The following STARD9 variants were observed in gnomAD, a reference collection of about 807,000 sequenced individuals.
STARD9 encodes the protein StAR related lipid transfer domain containing 9, also known as stAR-related lipid transfer protein 9.
STARD9 carries 346 observed loss-of-function variants against 399.8 expected under a neutral mutation model. That is an observed-to-expected ratio of 0.87 (90% CI 0.79 to 0.95). The LOEUF is 0.95. Ranked by LOEUF, STARD9 falls within the 40% of genes least tolerant of loss-of-function variation. STARD9 has a pLI of 0.00. For synonymous variants in STARD9, 2,203 were observed against 2,143.5 expected, an observed-to-expected ratio of 1.03 and a Z score of -0.77; for missense variants, 5,832 against 5,667.5, an observed-to-expected ratio of 1.03 and a Z score of -0.93.
chr15:42,638,610 C>G, intron 6 of STARD9, 90 bp from the exon 7 acceptor site: 1 of 836,666 alleles, frequency 1.2e-6, no homozygotes, highest in Non-Finnish European at 1.8e-6. Context: ...GGAGCTGGAA[C>G]AAGAACTAAG....
chr15:42,651,002 C>A lies in STARD9; in HGVS notation c.560-14C>A. ...CTCATTTAATTTCTTTTTTCCGTTTCACAAATCCGATAGGTTTATCTCAAC... is the reference window on the plus strand; with the variant it reads ...CTCATTTAATTTCTTTTTTCCGTTTAACAAATCCGATAGGTTTATCTCAAC... On this transcript the variant is annotated splice_polypyrimidine_tract_variant and intron_variant, in intron 7 of 32. Coordinates refer to ENST00000290607, the MANE Select transcript of STARD9 (RefSeq NM_020759.3). 1 of 1,496,268 alleles carries A rather than the reference C, an allele frequency of 6.7e-7. No homozygotes were observed. The highest frequency in any genetic ancestry group is 8.9e-7 in the Non-Finnish European group (1 of 1,120,198). 92.7% of individuals were successfully genotyped at this position (1,496,268 alleles called of 1,614,324 possible).
chr15:42,665,301 C>G lies in STARD9; in HGVS notation c.1225C>G (p.Leu409Val), dbSNP rs1265904249. Reference sequence around the variant, plus strand: ...AGAACTCAGAGAAGAGATTGAAAGACTGAAAGCCCTGCTGCTGAGCTTTGA... The same window carrying G: ...AGAACTCAGAGAAGAGATTGAAAGAGTGAAAGCCCTGCTGCTGAGCTTTGA... Reference protein sequence around the residue: ...IRELREEIERLKALLLSFELR... With the variant: ...IRELREEIERVKALLLSFELR... The change falls in exon 14 of 33, where the codon CTG (leucine) becomes GTG (valine). Residue 409 changes from leucine to valine, a missense_variant. Coordinates refer to ENST00000290607, the MANE Select transcript of STARD9 (RefSeq NM_020759.3). 1 of 1,537,130 alleles carries G rather than the reference C, an allele frequency of 6.5e-7. No homozygotes were observed. The highest frequency in any genetic ancestry group is 2.0e-5 in the Admixed American group (1 of 51,004).
In STARD9 at chr15:42,690,902, C is replaced by G; in HGVS notation, c.9324C>G (p.Tyr3108Ter). The change falls in exon 23 of 33, where the codon TAC (tyrosine) becomes TAG (stop). Residue 3108 changes from tyrosine (Y) to a stop codon, truncating the protein, a stop_gained. Transcript: ENST00000290607. LOFTEE classifies it high-confidence loss of function. ...LEAASFPAGM[Y>*]SEPLRQFRDS... ...CTGCCTCTTTCCCTGCAGGCATGTA[C>G]TCTGAGCCCCTGAGGCAGTTTAGGG... 1 of 1,537,210 alleles carries G rather than the reference C, an allele frequency of 6.5e-7. No individual in the cohort carries two copies. The highest frequency in any genetic ancestry group is 8.7e-7 in the Non-Finnish European group (1 of 1,146,912).
Position 42,638,066 on chromosome 15 carries a change from C to G in STARD9, c.425C>G (p.Ser142Cys). The change falls in exon 6 of 33, where the codon TCC (serine) becomes TGC (cysteine). Residue 142 changes from serine (S) to cysteine (C), a missense_variant. Transcript: ENST00000290607. ...VREKDCASLP[S>C]SCRIKVSFLE... is the part of the protein sequence containing the mutation. The stretch of plus-strand genomic sequence containing the variant: ...GAGAAAGACTGTGCCTCACTGCCTT[C>G]CTCCTGTAGGATAAAAGTAAGGTAA... 2 of 1,537,260 alleles carry G rather than the reference C, an allele frequency of 1.3e-6. No individual in the cohort carries two copies. Among genetic ancestry groups the G allele is most frequent in the Non-Finnish European group, 8.7e-7 (1 of 1,146,944 alleles).
chr15:42,606,122 T>G (rs1054365019), intron 3 of STARD9, among the ~76,000 whole-genome samples: 2 of 152,300 alleles, frequency 1.3e-5, no homozygotes, highest in Non-Finnish European at 2.9e-5. Flanking sequence ...GAACCTACAG[T>G]CTTCCAGGTA....
At chr15:42,607,687 A>AC (rs2058765047) in intron 3 of STARD9, among the ~76,000 whole-genome samples, 1 of 90,588 alleles carries the variant, frequency 1.1e-5, no homozygotes, top group Non-Finnish European at 2.5e-5. Flanking sequence ...CACACACACA[A>AC]ATATATATTT....
chr15:42,679,450 C>G (rs542979258), intron 20 of STARD9, among the ~76,000 whole-genome samples: 2 of 152,338 alleles, frequency 1.3e-5, no homozygotes, highest in East Asian at 3.9e-4. Flanking sequence ...GTGTCTGGAC[C>G]TGTCCTAGTC....
At chr15:42,601,496 C>A (rs532067165) in intron 3 of STARD9, among the ~76,000 whole-genome samples, 2 of 148,194 alleles carry the variant, frequency 1.3e-5, no homozygotes, top group African/African-American at 5.2e-5. Context: ...CGGGGGCTGC[C>A]CCCCACCTCC....
Position 42,688,270 on chromosome 15 carries a change from CA to C in STARD9, c.6694del (p.Ser2232ValfsTer9). On this transcript the variant is annotated frameshift_variant, in exon 23 of 33. Coordinates refer to ENST00000290607, the MANE Select transcript of STARD9 (RefSeq NM_020759.3). LOFTEE classifies it high-confidence loss of function. ...KNNGQFVKAS[A>X]SLKGQPWGLG... ...AATGGCCAGTTTGTAAAAGCATCAG[CA>C]AGTCTCAAAGGGCAGCCTTGGGGCT... 6.5e-7 allele frequency: 1 copy of C among 1,537,576 alleles called. No homozygotes were observed.
chr15:42,612,940 T>C (rs192348942), intron 3 of STARD9, among the ~76,000 whole-genome samples: 296 of 145,288 alleles, frequency 2.0e-3, no homozygotes, highest in African/African-American at 7.1e-3. Context: ...GCCAAGATCC[T>C]GCCACTGCAT....
intron 3 of STARD9, among the ~76,000 whole-genome samples, chr15:42,619,369 A>G (rs1204109336): frequency 6.6e-6 from 1 of 152,034 alleles, no homozygotes. Context: ...CGGGATTTTC[A>G]GCCTGGGCAA....
intron 4 of STARD9, among the ~76,000 whole-genome samples, chr15:42,635,371 C>T (rs2059399854): frequency 6.6e-6 from 1 of 151,122 alleles, no homozygotes. Flanking sequence ...GCTCTGTCGC[C>T]GAGGCTGGAG....
At chr15:42,631,546 C>G (rs1465087669) in intron 3 of STARD9, among the ~76,000 whole-genome samples, 1 of 151,606 alleles carries the variant, frequency 6.6e-6, no homozygotes, top group Non-Finnish European at 1.5e-5. Flanking sequence ...CGCCATTGTA[C>G]TCTAGTCTGG....
At chr15:42,658,483 C>T (rs1273403376) in intron 9 of STARD9, among the ~76,000 whole-genome samples, 4 of 135,182 alleles carry the variant, frequency 3.0e-5, no homozygotes, top group African/African-American at 1.1e-4. Context: ...GCCTTTTGCA[C>T]TTTTTTTTTT....
rs188508115 is a variant in STARD9 at position 42,710,865 on chromosome 15, A to C, written c.13285-5812A>C. Among the ~76,000 whole-genome samples the C allele has an allele frequency of 9.1e-4, 137 of 151,282 alleles. 6 individuals are homozygous for C. The highest frequency in any genetic ancestry group is 1.5e-3 in the Admixed American group (23 of 15,248). ...CTCCCATTTCTATCTCTGTCTTCAC[A>C]TGACATTCTTGCTCTCACTTGTGCG... On this transcript the variant is annotated intron_variant, in intron 26 of 32. Transcript: ENST00000290607.
At chr15:42,653,795 A>G (rs967739535) in intron 9 of STARD9, among the ~76,000 whole-genome samples, 2 of 152,178 alleles carry the variant, frequency 1.3e-5, no homozygotes, top group Non-Finnish European at 2.9e-5. Context: ...GGAATGATAA[A>G]TGTGTGAGTA....
At position 42,694,247 on chromosome 15, in the gene STARD9, G is replaced by C. The variant is rs1463453669; in HGVS notation, c.12669G>C (p.Glu4223Asp). 4 of 1,531,766 alleles carry C rather than the reference G, an allele frequency of 2.6e-6. No individual in the cohort carries two copies. In the Admixed American group the frequency reaches 7.9e-5, roughly 30 times the overall value. 94.9% of individuals were successfully genotyped at this position (1,531,766 alleles called of 1,614,324 possible). The change falls in exon 23 of 33, where the codon GAG becomes GAC. Residue 4223 changes from glutamate to aspartate, a missense_variant. Glu to Asp is a conservative substitution (Grantham distance 45). Coordinates refer to ENST00000290607, the MANE Select transcript of STARD9 (RefSeq NM_020759.3). The part of the protein sequence containing the change: ...TEAKLHHGFG[E>D]ADALLQVLQS... ...CGAAACTGCACCATGGCTTTGGGGA[G>C]GCCGATGCCCTGCTCCAGGTGCTGC... is the stretch of plus-strand genomic sequence containing the variant.
intron 23 of STARD9, 41 bp downstream of exon 23, chr15:42,694,383 G>A (rs994860887): frequency 2.3e-5 from 36 of 1,535,792 alleles, no homozygotes; most frequent in African/African-American, 2.7e-5. Flanking sequence ...GAAGGGGTGG[G>A]CTGTGAGGAA....
At chr15:42,704,327 G>T (rs971120878) in intron 26 of STARD9, among the ~76,000 whole-genome samples, 17 of 152,162 alleles carry the variant, frequency 1.1e-4, no homozygotes, top group African/African-American at 3.9e-4. Flanking sequence ...CCCTGTCTTA[G>T]ATTATACTTC....
Sources: gnomAD v4.1 joint callset for allele counts (sites outside exome capture counted in the v4.1 genomes callset) on GRCh38, gnomAD v4.1.1 for gene constraint, MANE v1.5 for transcripts, NCBI Gene and HGNC (gene_info 2026-07-23, HGNC 2026-07-21) for gene names.